Variants in KCNH5 observed in about 807,000 individuals in gnomAD.
KCNH5 encodes the protein potassium voltage-gated channel subfamily H member 5.
Under a neutral mutation model 96.1 loss-of-function variants are expected in KCNH5, and 46 were observed. The observed-to-expected ratio is 0.48, with a 90% CI of 0.38 to 0.61. The LOEUF is 0.61. Among genes scored for constraint, KCNH5 ranks in the 20% least tolerant of loss-of-function variants. KCNH5 has a pLI of 0.00. For synonymous variants in KCNH5, 439 were observed against 449.8 expected (o/e 0.98, Z 0.30); for missense variants, 907 against 1,225.8 (o/e 0.74, Z 3.88).
chr14:63,016,055 G>T (rs1212468904), intron 2 of KCNH5, among the ~76,000 whole-genome samples: 1 of 149,272 alleles, frequency 6.7e-6, no homozygotes, highest in Non-Finnish European at 1.5e-5. Flanking sequence ...CAGAGGATTT[G>T]GCCTAGAAAA....
At chr14:62,941,655 C>T (rs1010209829) in intron 7 of KCNH5, among the ~76,000 whole-genome samples, 2 of 152,168 alleles carry the variant, frequency 1.3e-5, no homozygotes, top group Admixed American at 6.6e-5. Context: ...CTGGCTAAAA[C>T]TAAAGCCAGA....
chr14:62,865,105 T>G (rs1888108560), intron 7 of KCNH5, among the ~76,000 whole-genome samples: 1 of 152,156 alleles, frequency 6.6e-6, no homozygotes, highest in Non-Finnish European at 1.5e-5. Context: ...TGCTAGGTGG[T>G]AAGGCCCAAC....
At position 62,707,632 on chromosome 14, in the gene KCNH5, G is replaced by A. The variant is rs746027187; in HGVS notation, c.2843C>T (p.Pro948Leu). The A allele has an allele frequency of 1.3e-6, 2 of 1,578,690 alleles. No individual in the cohort carries two copies. The highest frequency in any genetic ancestry group is 8.6e-7 in the Non-Finnish European group (1 of 1,158,718). Reference sequence around the variant, plus strand: ...TTGGGATTTGGGAGATGAGGCCTGGGGTACGCTTTTTTCCGACAGTATTTT... The same window carrying A: ...TTGGGATTTGGGAGATGAGGCCTGGAGTACGCTTTTTTCCGACAGTATTTT... ...ILKILSEKSV[P>L]QASSPKSQMP... Residue 948 changes from proline to leucine, a missense_variant, in exon 11 of 11, where the codon CCC (proline) becomes CTC (leucine). Coordinates refer to ENST00000322893, the MANE Select transcript of KCNH5 (RefSeq NM_139318.5).
chr14:62,790,367 C>T (rs949124608), intron 9 of KCNH5, among the ~76,000 whole-genome samples: 1 of 151,550 alleles, frequency 6.6e-6, no homozygotes, highest in African/African-American at 2.4e-5. Flanking sequence ...CTCAGTATTG[C>T]TTTTTGTCTA....
intron 4 of KCNH5, among the ~76,000 whole-genome samples, chr14:62,993,085 A>G (rs1890842157): frequency 6.6e-6 from 1 of 151,958 alleles, no homozygotes; most frequent in Admixed American, 6.6e-5. Flanking sequence ...TTTCCCCAAT[A>G]TATGTTCTTA....
At chr14:63,000,848 T>A (rs1486118479) in intron 4 of KCNH5, among the ~76,000 whole-genome samples, 1 of 151,442 alleles carries the variant, frequency 6.6e-6, no homozygotes, top group Non-Finnish European at 1.5e-5. Flanking sequence ...CCAAGGGGGG[T>A]CAGATAACTT....
At chr14:62,875,913 T>C (rs1888363147) in intron 7 of KCNH5, among the ~76,000 whole-genome samples, 1 of 151,850 alleles carries the variant, frequency 6.6e-6, no homozygotes, top group Non-Finnish European at 1.5e-5. Flanking sequence ...CTCATGCCTG[T>C]ATCCCAGCAC....
intron 7 of KCNH5, among the ~76,000 whole-genome samples, chr14:62,926,892 A>T (rs76473217): frequency 1.1e-3 from 162 of 152,260 alleles, no homozygotes; most frequent in African/African-American, 3.7e-3. Flanking sequence ...TTGATGAATG[A>T]TGCAGAGGAC....
chr14:62,924,715 A>C (rs1306465617), intron 7 of KCNH5, among the ~76,000 whole-genome samples: 2 of 152,034 alleles, frequency 1.3e-5, no homozygotes, highest in Non-Finnish European at 2.9e-5. Flanking sequence ...CAAGCCAGGC[A>C]CAGAAAGACA....
At chr14:62,841,411 CAAT>C (rs1887582310) in intron 8 of KCNH5, among the ~76,000 whole-genome samples, 1 of 152,118 alleles carries the variant, frequency 6.6e-6, no homozygotes. Context: ...GCTCAGAATA[CAAT>C]AATAGGTTGG....
chr14:62,950,213 AG>A lies in KCNH5; in HGVS notation c.1288del (p.Thr431GlnfsTer3). ...TATGTTTCCAAATCCTATGGTTGTAAGGCTTGTCATGGTAAAGTAGAGAGAG... is the reference window on the plus strand; with the variant it reads ...TATGTTTCCAAATCCTATGGTTGTAAGCTTGTCATGGTAAAGTAGAGAGAG... ...VSSLYFTMTS[L>X]TTIGFGNIAP... is the part of the protein sequence containing the mutation. On this transcript the variant is annotated frameshift_variant, in exon 7 of 11. Coordinates refer to ENST00000322893, the MANE Select transcript of KCNH5 (RefSeq NM_139318.5). LOFTEE classifies it high-confidence loss of function. 6.2e-7 allele frequency: 1 copy of A among 1,613,936 alleles called. No individual in the cohort carries two copies. Among genetic ancestry groups the A allele is most frequent in the South Asian group, 1.1e-5 (1 of 91,062 alleles).
At position 62,854,027 on chromosome 14, in the gene KCNH5, AC is replaced by A. The variant is rs1566683013; in HGVS notation, c.1370-4176del. ...GTCAAAAAAAAAAAAAACAAAAAAA[AC>A]AAAAAAAACAACCCTCATTCATCAC... On this transcript the variant is annotated intron_variant, in intron 7 of 10. Transcript: ENST00000322893. Among the ~76,000 whole-genome samples the A allele has an allele frequency of 4.2e-3, 546 of 128,994 alleles. 13 individuals are homozygous for A. The highest frequency in any genetic ancestry group is 0.018 in the East Asian group (60 of 3,300). 84.6% of individuals were successfully genotyped at this position (128,994 alleles called of 152,430 possible).
rs757688048 is a variant in KCNH5, at chr14:62,707,771, G to A, written c.2704C>T (p.Pro902Ser). 6.2e-7 allele frequency: 1 copy of A among 1,614,132 alleles called. No individual in the cohort carries two copies. Among genetic ancestry groups the A allele is most frequent in the Non-Finnish European group, 8.5e-7 (1 of 1,180,026 alleles). ...AGTGTGGTCTGTAAGGCCTGCTCGG[G>A]GATGGGATAAAAGGGGTGCTTGGCA... ...ADAKHPFYPI[P>S]EQALQTTLQE... The change falls in exon 11 of 11, where the codon CCC becomes TCC. Residue 902 changes from proline (P) to serine (S), a missense_variant. Transcript: ENST00000322893.
Position 62,978,329 on chromosome 14 carries a change from C to T in KCNH5, c.942+2543G>A, listed in dbSNP as rs559214730. ...CCAGGGTGCCGCTGACCGTACTCCA[C>T]ACAGCACGTGTTGATGAAAGGAGAT... On this transcript the variant is annotated intron_variant, in intron 6 of 10. Transcript: ENST00000322893. 2.5e-4 allele frequency among the ~76,000 whole-genome samples: 38 copies of T among 152,288 alleles called. 2 individuals carry two copies. In the South Asian group the frequency reaches 7.5e-3, roughly 30 times the overall value.
chr14:62,909,113 T>C (rs909055340), intron 7 of KCNH5, among the ~76,000 whole-genome samples: 77 of 132,640 alleles, frequency 5.8e-4, no homozygotes, highest in African/African-American at 2.0e-3. Context: ...TGGCGGGATC[T>C]CGGCTCACTG....
intron 10 of KCNH5, among the ~76,000 whole-genome samples, chr14:62,775,803 C>G (rs183249143): frequency 6.6e-6 from 1 of 152,300 alleles, no homozygotes; most frequent in East Asian, 1.9e-4. Context: ...GGGCAGTCAC[C>G]TGATTGTAAG....
intron 7 of KCNH5, among the ~76,000 whole-genome samples, chr14:62,853,859 T>C (rs1887874301): frequency 6.6e-6 from 1 of 151,666 alleles, no homozygotes; most frequent in Non-Finnish European, 1.5e-5. Context: ...ATACAAAAAT[T>C]AGCTGGGCAT....
At chr14:62,803,991 A>C (rs1397221353) in intron 8 of KCNH5, among the ~76,000 whole-genome samples, 1 of 152,218 alleles carries the variant, frequency 6.6e-6, no homozygotes, top group South Asian at 2.1e-4. Flanking sequence ...TTTAAGCTTT[A>C]AAAAATTTCC....
At chr14:62,957,631 T>C (rs1051439773) in intron 6 of KCNH5, among the ~76,000 whole-genome samples, 2 of 152,338 alleles carry the variant, frequency 1.3e-5, no homozygotes, top group East Asian at 3.9e-4. Context: ...GAATGTGATA[T>C]AAATGACTGC....
Sources: allele counts gnomAD v4.1 joint callset (sites outside exome capture counted in the v4.1 genomes callset), GRCh38; gene constraint gnomAD v4.1.1; transcripts MANE v1.5; gene names NCBI Gene and HGNC (gene_info 2026-07-23, HGNC 2026-07-21).